The following KCNMA1 variants were observed in gnomAD, a reference collection of about 807,000 sequenced individuals.
KCNMA1 encodes Calcium-activated potassium channel subunit alpha-1.
KCNMA1 carries 29 observed loss-of-function variants against 140.0 expected under a neutral mutation model. That is an observed-to-expected ratio of 0.21 (90% CI 0.15 to 0.28). KCNMA1 has a LOEUF of 0.28. Among genes scored for constraint, KCNMA1 ranks in the 10% least tolerant of loss-of-function variants. KCNMA1 has a pLI of 1.00. For synonymous variants in KCNMA1, 612 were observed against 611.9 expected (o/e 1.00, Z 0.00); for missense variants, 880 against 1,602.2 (o/e 0.55, Z 7.70).
At position 77,637,767 on chromosome 10, in the gene KCNMA1, C is replaced by G; in HGVS notation, c.-125G>C. ...CCGCCGCCGCCGCCGCCGCGGAGCG[C>G]GGGAGGGGGGCGGGGAGGCGCCTGG... On this transcript the variant is annotated 5_prime_UTR_variant, in exon 1 of 28. Transcript: ENST00000286628. 7.8e-7 allele frequency: 1 copy of G among 1,280,092 alleles called. No individual in the cohort carries two copies. The highest frequency in any genetic ancestry group is 9.8e-7 in the Non-Finnish European group (1 of 1,018,820). The allele number at this position is 1,280,092 out of a possible 1,614,324, so 79.3% of individuals were successfully genotyped here.
At chr10:77,448,555 G>A (rs2097571042) in intron 1 of KCNMA1, among the ~76,000 whole-genome samples, 1 of 152,170 alleles carries the variant, frequency 6.6e-6, no homozygotes, top group African/African-American at 2.4e-5. Flanking sequence ...CTGATCAGCA[G>A]CGACATCTAA....
chr10:76,968,088 C>T (rs201202949), intron 20 of KCNMA1, among the ~76,000 whole-genome samples: 2 of 151,982 alleles, frequency 1.3e-5, no homozygotes, highest in East Asian at 3.9e-4. Flanking sequence ...GAAAAAAAGT[C>T]CCCCCAAGGC....
chr10:77,571,141 A>G (rs1478115691), intron 1 of KCNMA1, among the ~76,000 whole-genome samples: 2 of 152,174 alleles, frequency 1.3e-5, no homozygotes, highest in Non-Finnish European at 2.9e-5. Context: ...TTTGTTTCAA[A>G]CATTTAAAAT....
At chr10:77,067,758 G>A (rs533263313) in intron 14 of KCNMA1, among the ~76,000 whole-genome samples, 1 of 152,250 alleles carries the variant, frequency 6.6e-6, no homozygotes, top group Admixed American at 6.5e-5. Context: ...TGCAGAGCTG[G>A]GCAGACAGAA....
intron 1 of KCNMA1, among the ~76,000 whole-genome samples, chr10:77,559,180 G>A (rs979009120): frequency 6.6e-6 from 1 of 152,226 alleles, no homozygotes; most frequent in Non-Finnish European, 1.5e-5. Context: ...TGGGGCATAC[G>A]TCCAGGACTG....
At chr10:77,401,923 T>C (rs1375560430) in intron 2 of KCNMA1, among the ~76,000 whole-genome samples, 1 of 152,166 alleles carries the variant, frequency 6.6e-6, no homozygotes, top group Non-Finnish European at 1.5e-5. Context: ...AACTTCCGCA[T>C]ATGGTGCAAT....
intron 1 of KCNMA1, among the ~76,000 whole-genome samples, chr10:77,490,254 C>G (rs1347148757): frequency 6.6e-6 from 1 of 152,098 alleles, no homozygotes; most frequent in Non-Finnish European, 1.5e-5. Flanking sequence ...CTTAAATATC[C>G]AACTCCCATA....
intron 1 of KCNMA1, among the ~76,000 whole-genome samples, chr10:77,626,362 G>C (rs948523259): frequency 6.6e-6 from 1 of 152,170 alleles, no homozygotes; most frequent in East Asian, 1.9e-4. Flanking sequence ...TTCATGGGCA[G>C]CTGAAATAAT....
chr10:77,522,492 G>A (rs1004463175), intron 1 of KCNMA1, among the ~76,000 whole-genome samples: 1 of 152,182 alleles, frequency 6.6e-6, no homozygotes. Context: ...ATTTAAAGAT[G>A]CTAATTTAAA....
In KCNMA1 at chr10:76,891,672, G is replaced by C. The variant is rs45527834; in HGVS notation, c.3195C>G (p.Thr1065=). 6.2e-7 allele frequency: 1 copy of C among 1,614,044 alleles called. No individual in the cohort carries two copies. Among genetic ancestry groups the C allele is most frequent in the Non-Finnish European group, 8.5e-7 (1 of 1,179,990 alleles). ...NILTLIRTLV[T]GGATPELEAL... ...CCTCCAGCTCCGGCGTGGCTCCTCC[G>C]GTCACCAGGGTCCGTATCAGGGTGA... The change falls in exon 26 of 28, where the codon ACC becomes ACG. Residue 1065 remains threonine (T), a synonymous_variant. Coordinates refer to ENST00000286628, the MANE Select transcript of KCNMA1 (RefSeq NM_001161352.2).
Position 77,184,811 on chromosome 10 carries a change from G to A in KCNMA1, c.696+12C>T. 1 of 1,542,196 alleles carries A rather than the reference G, an allele frequency of 6.5e-7. No individual in the cohort carries two copies. The highest frequency in any genetic ancestry group is 9.0e-7 in the Non-Finnish European group (1 of 1,115,094). On this transcript the variant is annotated intron_variant, in intron 4 of 27. Transcript: ENST00000286628. Reference sequence around the variant, plus strand: ...CCCCATTGTGATACTGAACAATGTTGCACAAACTTACCCGCAAGCCGAAGT... The same window carrying A: ...CCCCATTGTGATACTGAACAATGTTACACAAACTTACCCGCAAGCCGAAGT...
chr10:77,096,598 TGTTTA>T (rs1309732969), intron 9 of KCNMA1, among the ~76,000 whole-genome samples: 1 of 152,206 alleles, frequency 6.6e-6, no homozygotes, highest in African/African-American at 2.4e-5. Context: ...AGCTCTGGGC[TGTTTA>T]TTTTTAAAGA....
At chr10:77,279,139 A>G (rs1291547282) in intron 2 of KCNMA1, among the ~76,000 whole-genome samples, 1 of 152,192 alleles carries the variant, frequency 6.6e-6, no homozygotes, top group Non-Finnish European at 1.5e-5. Context: ...CTTCGACAAG[A>G]CCAATTTTTT....
At chr10:77,146,795 T>C (rs1250242097) in intron 5 of KCNMA1, among the ~76,000 whole-genome samples, 1 of 149,518 alleles carries the variant, frequency 6.7e-6, no homozygotes, top group East Asian at 2.0e-4. Context: ...AATAAATTGA[T>C]CTACGTGTGT....
intron 3 of KCNMA1, among the ~76,000 whole-genome samples, chr10:77,224,805 G>A (rs139815780): frequency 3.7e-4 from 56 of 152,252 alleles, no homozygotes; most frequent in Admixed American, 8.5e-4. Flanking sequence ...ATCAAATGTC[G>A]ATGATGACAG....
chr10:77,333,568 A>C (rs1246582377), intron 2 of KCNMA1, among the ~76,000 whole-genome samples: 3 of 152,202 alleles, frequency 2.0e-5, no homozygotes, highest in Non-Finnish European at 4.4e-5. Flanking sequence ...AATTCAAACT[A>C]ACACATTTTA....
chr10:76,984,671 A>G (rs577980903), intron 19 of KCNMA1, among the ~76,000 whole-genome samples: 1 of 152,350 alleles, frequency 6.6e-6, no homozygotes, highest in East Asian at 1.9e-4. Context: ...AACTTGCCAC[A>G]TAACAATAAT....
At chr10:77,399,831 A>G (rs1323597414) in intron 2 of KCNMA1, among the ~76,000 whole-genome samples, 2 of 152,190 alleles carry the variant, frequency 1.3e-5, no homozygotes, top group African/African-American at 4.8e-5. Flanking sequence ...GGTACAGATG[A>G]GCAGTAAACA....
intron 1 of KCNMA1, among the ~76,000 whole-genome samples, chr10:77,632,834 G>A (rs1453847277): frequency 6.6e-6 from 1 of 152,212 alleles, no homozygotes; most frequent in Non-Finnish European, 1.5e-5. Context: ...AGGGTGCTAT[G>A]TGCCCATTAT....
Sources: allele counts gnomAD v4.1 joint callset (sites outside exome capture counted in the v4.1 genomes callset), GRCh38; gene constraint gnomAD v4.1.1; transcripts MANE v1.5; gene names NCBI Gene and HGNC (gene_info 2026-07-23, HGNC 2026-07-21).